MEX3B: variants seen among roughly 807,000 people sequenced by gnomAD.
MEX3B encodes the protein RNA-binding protein MEX3B.
A neutral mutation model predicts 12.2 loss-of-function variants in MEX3B; 10 were observed. The ratio of observed to expected loss-of-function variants is 0.82; its 90% CI spans 0.51 to 1.40. The LOEUF (loss-of-function observed/expected upper bound fraction) is 1.40, where lower values mean the gene tolerates loss of function less well. Ranked by LOEUF, MEX3B falls within the 40% of genes most tolerant of loss-of-function variation. MEX3B has a pLI of 0.00. For missense variants in MEX3B, 839 were observed against 801.4 expected, an observed-to-expected ratio of 1.05 and a Z score of -0.57; for synonymous variants, 498 against 356.3, an observed-to-expected ratio of 1.40 and a Z score of -4.48.
At chr15:82,045,031 C>A in intron 1 of MEX3B, 2 of 591,976 alleles carry the variant, frequency 3.4e-6, no homozygotes, top group Non-Finnish European at 6.0e-6. Context: ...GGGTGTGAGT[C>A]CCGGGACCCA....
At position 82,043,620 on chromosome 15, in the gene MEX3B, C is replaced by A. The variant is rs1042433834; in HGVS notation, c.1250G>T (p.Ser417Ile). ...SSVVFPGGGA[S>I]APSNANLGLL... ...CCCCAGGTTGGCGTTGGAGGGCGCA[C>A]TGGCGCCACCCCCGGGGAAGACCAC... Residue 417 changes from serine (S) to isoleucine (I), a missense_variant, in exon 2 of 2, where the codon AGT (serine) becomes ATT (isoleucine). Physicochemically the swap from Ser to Ile is moderately radical, Grantham distance 142. Transcript: ENST00000329713. 2 of 1,601,646 alleles carry A rather than the reference C, an allele frequency of 1.2e-6. No homozygotes were observed. Among genetic ancestry groups the A allele is most frequent in the Non-Finnish European group, 1.7e-6 (2 of 1,174,564 alleles).
intron 1 of MEX3B, chr15:82,045,242 G>C: frequency 1.5e-6 from 1 of 687,588 alleles, no homozygotes; most frequent in Non-Finnish European, 2.6e-6. Context: ...GCAGAAGAAA[G>C]TGCATCCCGC....
rs1693838734 is a variant in MEX3B, at chr15:82,044,959, G to C, written c.257-346C>G. Reference sequence around the variant, plus strand: ...GTCAGCTCTGAAGACACGGGGAAGGGGCTCGGGGAAGGCAGCTGAAGTCGC... The same window carrying C: ...GTCAGCTCTGAAGACACGGGGAAGGCGCTCGGGGAAGGCAGCTGAAGTCGC... On this transcript the variant is annotated intron_variant, in intron 1 of 1. Transcript: ENST00000329713. This position sits in a 1 kb window ranked among gnomAD's most constrained non-coding sequence, Gnocchi z 5.3. The C allele has an allele frequency of 6.9e-6, 4 of 579,002 alleles. No individual in the cohort carries two copies. In the East Asian group the frequency reaches 1.2e-4, roughly 17 times the overall value. 35.9% of individuals were successfully genotyped at this position (579,002 alleles called of 1,614,324 possible).
In MEX3B at chr15:82,043,989, C is replaced by CT; in HGVS notation, c.880dup (p.Ser294LysfsTer29). On this transcript the variant is annotated frameshift_variant, in exon 2 of 2. Transcript: ENST00000329713. LOFTEE classifies it low-confidence loss of function (END_TRUNC). ...GCCGAAATAAGAGTCTGTGGAAGCACTGCCAAGCGAGCTGGAGCTGTCGTT... is the reference window on the plus strand; with the variant it reads ...GCCGAAATAAGAGTCTGTGGAAGCACTTGCCAAGCGAGCTGGAGCTGTCGTT... 1 of 1,609,354 alleles carries CT rather than the reference C, an allele frequency of 6.2e-7. No individual in the cohort carries two copies. Among genetic ancestry groups the CT allele is most frequent in the Non-Finnish European group, 8.5e-7 (1 of 1,179,912 alleles).
chr15:82,045,022 G>A (rs924343999), intron 1 of MEX3B: 3 of 589,118 alleles, frequency 5.1e-6, no homozygotes, highest in African/African-American at 1.9e-5. Flanking sequence ...TAGGGGGTGG[G>A]GTGTGAGTCC....
At position 82,045,695 on chromosome 15, in the gene MEX3B, G is replaced by A. The variant is rs1596007647; in HGVS notation, c.11C>T (p.Ser4Leu). ...GTTGCGCTCCAGGTCTGCGAACAGCGAGCTGGGCATCGCTCGGCCGTGCGC... is the reference window on the plus strand; with the variant it reads ...GTTGCGCTCCAGGTCTGCGAACAGCAAGCTGGGCATCGCTCGGCCGTGCGC... MPS[S>L]LFADLERNGS... Residue 4 changes from serine to leucine, a missense_variant, in exon 1 of 2, where the codon TCG (serine) becomes TTG (leucine). Physicochemically the swap from Ser to Leu is moderately radical, Grantham distance 145. This residue lies in a region of MEX3B where 214 missense variants were observed against 223.8 expected (regional missense o/e 0.96). Coordinates refer to ENST00000329713, the MANE Select transcript of MEX3B (RefSeq NM_032246.6). The A allele has an allele frequency of 6.6e-7, 1 of 1,517,098 alleles. No homozygotes were observed. The highest frequency in any genetic ancestry group is 8.8e-7 in the Non-Finnish European group (1 of 1,135,464). The allele number at this position is 1,517,098 out of a possible 1,614,324, so 94.0% of individuals were successfully genotyped here. A position where few individuals can be genotyped will look rare whatever the true frequency, so the allele number is the denominator to read the frequency against.
Position 82,045,755 on chromosome 15 carries a change from G to A in MEX3B, c.-50C>T. On this transcript the variant is annotated 5_prime_UTR_variant, in exon 1 of 2. Coordinates refer to ENST00000329713, the MANE Select transcript of MEX3B (RefSeq NM_032246.6). ...CCGCCGGCCCTCGGCTCGGCGGCGAGAAGCTGCGGCCACAAAGGCAGCCGG... is the reference window on the plus strand; with the variant it reads ...CCGCCGGCCCTCGGCTCGGCGGCGAAAAGCTGCGGCCACAAAGGCAGCCGG... The A allele has an allele frequency of 2.3e-6, 3 of 1,314,544 alleles. No individual in the cohort carries two copies. Among genetic ancestry groups the A allele is most frequent in the South Asian group, 4.6e-5 (2 of 43,750 alleles). The allele number at this position is 1,314,544 out of a possible 1,614,324, so 81.4% of individuals were successfully genotyped here.
In MEX3B at chr15:82,043,114, T is replaced by G. The variant is rs781394684; in HGVS notation, c.*46A>C. The G allele has an allele frequency of 1.1e-5, 16 of 1,410,700 alleles. No homozygotes were observed. The highest frequency in any genetic ancestry group is 2.7e-5 in the Admixed American group (1 of 37,062). The allele number at this position is 1,410,700 out of a possible 1,614,324, so 87.4% of individuals were successfully genotyped here. On this transcript the variant is annotated 3_prime_UTR_variant, in exon 2 of 2. Coordinates refer to ENST00000329713, the MANE Select transcript of MEX3B (RefSeq NM_032246.6). ...GCTGGGGAAAGAGGGTGGGGAGGGGTTCCCCCTTCCCCCAGCACGGTGCGC... is the reference window on the plus strand; with the variant it reads ...GCTGGGGAAAGAGGGTGGGGAGGGGGTCCCCCTTCCCCCAGCACGGTGCGC...
chr15:82,045,396 T>C, intron 1 of MEX3B, 54 bp downstream of exon 1: 1 of 1,560,960 alleles, frequency 6.4e-7, no homozygotes, highest in Non-Finnish European at 8.6e-7. Flanking sequence ...CTCGAGGCAG[T>C]GGCCTGAGAC....
At position 82,044,339 on chromosome 15, in the gene MEX3B, C is replaced by A; in HGVS notation, c.531G>T (p.Gly177=). 6.2e-7 allele frequency: 1 copy of A among 1,612,214 alleles called. No individual in the cohort carries two copies. The change falls in exon 2 of 2, where the codon GGG becomes GGT. Residue 177 remains glycine (G), a synonymous_variant. Coordinates refer to ENST00000329713, the MANE Select transcript of MEX3B (RefSeq NM_032246.6). The surrounding 1 kb of genome is among the most constrained non-coding windows in gnomAD (Gnocchi z 5.3). ...VPYRVVGLVV[G]PKGATIKRIQ... is the part of the protein sequence containing the mutation. Reference sequence around the variant, plus strand: ...TGCGCTTGATTGTGGCGCCTTTGGGCCCCACCACGAGCCCCACCACGCGGT... The same window carrying A: ...TGCGCTTGATTGTGGCGCCTTTGGGACCCACCACGAGCCCCACCACGCGGT...
Position 82,044,999 on chromosome 15 carries a change from G to C in MEX3B, c.257-386C>G. On this transcript the variant is annotated intron_variant, in intron 1 of 1. Coordinates refer to ENST00000329713, the MANE Select transcript of MEX3B (RefSeq NM_032246.6). This position sits in a 1 kb window ranked among gnomAD's most constrained non-coding sequence, Gnocchi z 5.3. ...GCTGAAGTCGCGATGCCTCAGCGCT[G>C]GTCGACTGGGGGTAGGGGGTGGGGT... 1.7e-6 allele frequency: 1 copy of C among 585,350 alleles called. No homozygotes were observed. 36.3% of individuals were successfully genotyped at this position (585,350 alleles called of 1,614,324 possible). A position where few individuals can be genotyped will look rare whatever the true frequency, so the allele number is the denominator to read the frequency against.
chr15:82,043,444 T>C lies in MEX3B; in HGVS notation c.1426A>G (p.Asn476Asp). 6.4e-7 allele frequency: 1 copy of C among 1,557,614 alleles called. No individual in the cohort carries two copies. The highest frequency in any genetic ancestry group is 8.7e-7 in the Non-Finnish European group (1 of 1,151,484). The change falls in exon 2 of 2, where the codon AAC (asparagine) becomes GAC (aspartate). Residue 476 changes from asparagine to aspartate, a missense_variant. By Grantham distance (23) the Asn-to-Asp change is conservative. Coordinates refer to ENST00000329713, the MANE Select transcript of MEX3B (RefSeq NM_032246.6). Reference protein sequence around the residue: ...GGGLAYAAYANGLGAQLPGLQ... With the variant: ...GGGLAYAAYADGLGAQLPGLQ... ...CCAGGCAGCTGTGCCCCCAGCCCGTTGGCATAAGCGGCGTAGGCCAGGCCT... is the reference window on the plus strand; with the variant it reads ...CCAGGCAGCTGTGCCCCCAGCCCGTCGGCATAAGCGGCGTAGGCCAGGCCT...
chr15:82,044,056 T>G lies in MEX3B; in HGVS notation c.814A>C (p.Ile272Leu), dbSNP rs2073240082. The G allele has an allele frequency of 6.3e-7, 1 of 1,596,956 alleles. No homozygotes were observed. The highest frequency in any genetic ancestry group is 8.5e-7 in the Non-Finnish European group (1 of 1,175,838). ...GGCTTGCGGCCGGGGGTGGGCGTGA[T>G]GCTGGGGGTGGGCTTGCTCCAGAGG... ...GSLWSKPTPSITPTPGRKPFS... is the reference protein window; with the variant it reads ...GSLWSKPTPSLTPTPGRKPFS... The change falls in exon 2 of 2, where the codon ATC (isoleucine) becomes CTC (leucine). Residue 272 changes from isoleucine (I) to leucine (L), a missense_variant. This residue lies in a region of MEX3B where 573 missense variants were observed against 488.9 expected (regional missense o/e 1.17). Coordinates refer to ENST00000329713, the MANE Select transcript of MEX3B (RefSeq NM_032246.6). This position sits in a 1 kb window ranked among gnomAD's most constrained non-coding sequence, Gnocchi z 5.3.
At position 82,043,950 on chromosome 15, in the gene MEX3B, C is replaced by A; in HGVS notation, c.920G>T (p.Ser307Ile). The A allele has an allele frequency of 6.2e-7, 1 of 1,607,542 alleles. No individual in the cohort carries two copies. The highest frequency in any genetic ancestry group is 8.5e-7 in the Non-Finnish European group (1 of 1,179,338). Residue 307 changes from serine to isoleucine, a missense_variant, in exon 2 of 2, where the codon AGC becomes ATC. This residue lies in a region of MEX3B where 573 missense variants were observed against 488.9 expected (regional missense o/e 1.17). Transcript: ENST00000329713. ...CAGGCGCTGGGTAGCCGCTGCGCTG[C>A]TGCTGGTCCCGCCGCCGAAATAAGA... ...TDSYFGGGTS[S>I]SAAATQRLAD...
intron 1 of MEX3B, 21 bp downstream of exon 1, chr15:82,045,429 C>T (rs1567017929): frequency 6.5e-7 from 1 of 1,543,656 alleles, no homozygotes; most frequent in Non-Finnish European, 8.9e-7. Context: ...CCACCCACCT[C>T]CCCATCCCTC....
rs2073221782 is a variant in MEX3B at position 82,041,787 on chromosome 15, C to G, written c.*1373G>C. On this transcript the variant is annotated 3_prime_UTR_variant, in exon 2 of 2. Coordinates refer to ENST00000329713, the MANE Select transcript of MEX3B (RefSeq NM_032246.6). Reference sequence around the variant, plus strand: ...AAGTCACCACACAAGATAAGATTTTCTTCAATATTTTATTTATATAGAAAT... The same window carrying G: ...AAGTCACCACACAAGATAAGATTTTGTTCAATATTTTATTTATATAGAAAT... The G allele has an allele frequency of 6.6e-6, 1 of 152,430 alleles. No homozygotes were observed. The highest frequency in any genetic ancestry group is 6.6e-5 in the Admixed American group (1 of 15,250). 9.4% of individuals were successfully genotyped at this position (152,430 alleles called of 1,614,324 possible).
At position 82,044,743 on chromosome 15, in the gene MEX3B, A is replaced by G. The variant is rs1163009560; in HGVS notation, c.257-130T>C. On this transcript the variant is annotated intron_variant, in intron 1 of 1. Coordinates refer to ENST00000329713, the MANE Select transcript of MEX3B (RefSeq NM_032246.6). The surrounding 1 kb of genome is among the most constrained non-coding windows in gnomAD (Gnocchi z 5.3). ...GACGGCAGGACAAGAGATGGGCGGAAAGGGGGCGTCTCCCTCACTGACCTC... is the reference window on the plus strand; with the variant it reads ...GACGGCAGGACAAGAGATGGGCGGAGAGGGGGCGTCTCCCTCACTGACCTC... The G allele has an allele frequency of 7.8e-6, 7 of 901,254 alleles. 1 individual carries two copies. Among genetic ancestry groups the G allele is most frequent in the African/African-American group, 4.9e-5 (3 of 61,162 alleles). The allele number at this position is 901,254 out of a possible 1,614,324, so 55.8% of individuals were successfully genotyped here.
intron 1 of MEX3B, chr15:82,045,060 C>T (rs545690874): frequency 3.4e-6 from 2 of 596,186 alleles, no homozygotes; most frequent in Admixed American, 6.1e-5. Flanking sequence ...CCTCTGGGCT[C>T]CATTCCGCTT....
rs2073223133 is a variant in MEX3B at position 82,042,065 on chromosome 15, G to A, written c.*1095C>T. 1 of 152,570 alleles carries A rather than the reference G, an allele frequency of 6.6e-6. No individual in the cohort carries two copies. 9.5% of individuals were successfully genotyped at this position (152,570 alleles called of 1,614,324 possible). ...ATACATAAACAAGTGGTAAACAAAT[G>A]TATTAAAATAGAAATACTAAAACTA... On this transcript the variant is annotated 3_prime_UTR_variant, in exon 2 of 2. Coordinates refer to ENST00000329713, the MANE Select transcript of MEX3B (RefSeq NM_032246.6).
Sources: allele counts gnomAD v4.1 joint callset, GRCh38; gene constraint gnomAD v4.1.1; regional missense constraint gnomAD v4.1.1; non-coding constraint Gnocchi (gnomAD v3.1); transcripts MANE v1.5; gene names NCBI Gene and HGNC (gene_info 2026-07-23, HGNC 2026-07-21).